Variants in RASGRF2 observed in about 807,000 individuals in gnomAD.
The protein encoded by RASGRF2 is ras-specific guanine nucleotide-releasing factor 2.
RASGRF2 carries 76 observed loss-of-function variants against 151.0 expected under a neutral mutation model. The observed-to-expected ratio is 0.50, with a 90% confidence interval of 0.42 to 0.61. The LOEUF (loss-of-function observed/expected upper bound fraction) is 0.61. Among genes scored for constraint, RASGRF2 ranks in the 20% least tolerant of loss-of-function variants. The pLI, the probability that RASGRF2 is intolerant of heterozygous loss-of-function variation, is 0.00. For synonymous variants in RASGRF2, 504 were observed against 566.5 expected, an observed-to-expected ratio of 0.89 and a Z score of 1.57; for missense variants, 1,148 against 1,564.6, an observed-to-expected ratio of 0.73 and a Z score of 4.49.
At chr5:81,108,834 CTGTGTGTGTGTG>C (rs10606038) in intron 12 of RASGRF2, among the ~76,000 whole-genome samples, 150 bp from the exon 13 acceptor site, 8,827 of 139,880 alleles carry the variant, frequency 0.063, 277 homozygotes, top group South Asian at 0.12. Flanking sequence ...TTTACCTACT[CTGTGTGTGTGTG>C]TGTGTGTGTG....
At chr5:81,180,745 G>C (rs145146251) in intron 18 of RASGRF2, among the ~76,000 whole-genome samples, 1 of 147,766 alleles carries the variant, frequency 6.8e-6, no homozygotes, top group Non-Finnish European at 1.5e-5. Flanking sequence ...GATCTGGTCA[G>C]GGAGTGCTTT....
intron 17 of RASGRF2, among the ~76,000 whole-genome samples, chr5:81,146,096 A>G (rs1753998803): frequency 1.3e-5 from 2 of 152,190 alleles, no homozygotes; most frequent in South Asian, 4.1e-4. Flanking sequence ...TGTAGCTTAA[A>G]TCTGCCTTGT....
chr5:81,141,794 C>G (rs960369867), intron 17 of RASGRF2, among the ~76,000 whole-genome samples: 1 of 152,068 alleles, frequency 6.6e-6, no homozygotes, highest in African/African-American at 2.4e-5. Context: ...TCTTAGTTGA[C>G]CAGCAGTTAG....
At chr5:81,157,863 A>G (rs1454911738) in intron 17 of RASGRF2, among the ~76,000 whole-genome samples, 1 of 152,172 alleles carries the variant, frequency 6.6e-6, no homozygotes, top group Non-Finnish European at 1.5e-5. Flanking sequence ...GGTCCCTCCC[A>G]ATAGGGTTTA....
At chr5:81,038,389 A>G (rs1750571487) in intron 1 of RASGRF2, among the ~76,000 whole-genome samples, 2 of 151,502 alleles carry the variant, frequency 1.3e-5, no homozygotes, top group South Asian at 4.2e-4. Flanking sequence ...ATTTCTGTCC[A>G]TCTAATGGGA....
chr5:81,090,331 C>T (rs1375473343), intron 9 of RASGRF2, among the ~76,000 whole-genome samples: 1 of 152,132 alleles, frequency 6.6e-6, no homozygotes, highest in Non-Finnish European at 1.5e-5. Context: ...TGGAAGTTGA[C>T]CCCAATTATT....
intron 1 of RASGRF2, among the ~76,000 whole-genome samples, chr5:81,027,974 T>C (rs779666770): frequency 1.3e-5 from 2 of 152,080 alleles, no homozygotes; most frequent in Non-Finnish European, 2.9e-5. Flanking sequence ...TAAAGAGATA[T>C]ACCTGTGTGG....
At position 81,075,443 on chromosome 5, in the gene RASGRF2, G is replaced by T. The variant is rs1302525152; in HGVS notation, c.887+1991G>T. Among the ~76,000 whole-genome samples, 5 of 152,176 alleles carry T rather than the reference G, an allele frequency of 3.3e-5. No homozygotes were observed. In the East Asian group the frequency reaches 9.6e-4, roughly 29 times the overall value. Reference sequence around the variant, plus strand: ...TGTGGAAAGGTCATTCCTTGTGCCAGCGGGTTGTGTTTCTCAGAACAATTG... The same window carrying T: ...TGTGGAAAGGTCATTCCTTGTGCCATCGGGTTGTGTTTCTCAGAACAATTG... On this transcript the variant is annotated intron_variant, in intron 5 of 26. Coordinates refer to ENST00000265080, the MANE Select transcript of RASGRF2 (RefSeq NM_006909.3).
At chr5:81,106,107 T>G (rs949679542) in intron 12 of RASGRF2, among the ~76,000 whole-genome samples, 1 of 152,202 alleles carries the variant, frequency 6.6e-6, no homozygotes, top group African/African-American at 2.4e-5. Flanking sequence ...TTGTTTAAAC[T>G]CTGGGTGATT....
rs1367270204 is a variant in RASGRF2, at chr5:81,127,075, A to T, written c.2598A>T (p.Gly866=). The T allele has an allele frequency of 7.4e-6, 12 of 1,613,970 alleles. No homozygotes were observed. Among genetic ancestry groups the T allele is most frequent in the Non-Finnish European group, 1.0e-5 (12 of 1,179,854 alleles). ...PRHLRYRQPG[G]QTADNAHCSV... ...TTTCCTTTCTTTTCAAATAACCAGG[A>T]CAGACGGCGGACAATGCCCACTGCT... The change falls in exon 17 of 27, where the codon GGA becomes GGT. Residue 866 remains glycine, a splice_region_variant and synonymous_variant. Coordinates refer to ENST00000265080, the MANE Select transcript of RASGRF2 (RefSeq NM_006909.3).
At chr5:81,140,341 T>C (rs1753854176) in intron 17 of RASGRF2, among the ~76,000 whole-genome samples, 1 of 152,186 alleles carries the variant, frequency 6.6e-6, no homozygotes. Flanking sequence ...TTCCAAAATA[T>C]ATTAAAAATA....
At chr5:80,978,941 C>T (rs1009365728) in intron 1 of RASGRF2, among the ~76,000 whole-genome samples, 1 of 152,158 alleles carries the variant, frequency 6.6e-6, no homozygotes, top group African/African-American at 2.4e-5. Context: ...GTACAGCATT[C>T]TATCACACAG....
intron 15 of RASGRF2, among the ~76,000 whole-genome samples, chr5:81,119,380 T>C (rs1753244342): frequency 6.6e-6 from 1 of 152,226 alleles, no homozygotes; most frequent in South Asian, 2.1e-4. Context: ...GAGAGTGAAG[T>C]AGGCCAAACT....
At chr5:81,033,639 A>G (rs890453874) in intron 1 of RASGRF2, among the ~76,000 whole-genome samples, 8 of 151,460 alleles carry the variant, frequency 5.3e-5, no homozygotes, top group African/African-American at 1.7e-4. Flanking sequence ...CCTTATACAA[A>G]AATTAATTCA....
At chr5:81,020,103 A>G (rs1477348434) in intron 1 of RASGRF2, among the ~76,000 whole-genome samples, 1 of 152,236 alleles carries the variant, frequency 6.6e-6, no homozygotes, top group East Asian at 1.9e-4. Flanking sequence ...ACAAAGCTAC[A>G]ATTGATGCCA....
intron 12 of RASGRF2, among the ~76,000 whole-genome samples, chr5:81,108,265 A>T (rs1445292405): frequency 6.6e-6 from 1 of 152,234 alleles, no homozygotes; most frequent in Non-Finnish European, 1.5e-5. Flanking sequence ...TCTAACCCAA[A>T]ATAATTACAG....
At chr5:81,192,714 G>A (rs1332482071) in intron 18 of RASGRF2, among the ~76,000 whole-genome samples, 1 of 152,186 alleles carries the variant, frequency 6.6e-6, no homozygotes, top group Admixed American at 6.5e-5. Context: ...GGTTTAGGAG[G>A]TTGTCTCTAG....
Position 81,094,900 on chromosome 5 carries a change from G to A in RASGRF2, c.1663G>A (p.Val555Met), listed in dbSNP as rs1214039043. 6.2e-7 allele frequency: 1 copy of A among 1,603,472 alleles called. No homozygotes were observed. The highest frequency in any genetic ancestry group is 1.7e-5 in the Admixed American group (1 of 59,688). The change falls in exon 12 of 27, where the codon GTG (valine) becomes ATG (methionine). Residue 555 changes from valine (V) to methionine (M), a missense_variant. Val to Met is a conservative substitution (Grantham distance 21, BLOSUM62 1). This residue lies in a region of RASGRF2 where 646 missense variants were observed against 807.4 expected (regional missense o/e 0.80). Transcript: ENST00000265080. ...QVFGHLDFKI[V>M]VEPPDAAAFT... is the part of the protein sequence containing the mutation. ...GTTTGGGCACCTGGATTTTAAAATA[G>A]TGGTGGAGCCTCCTGACGCTGCCGC...
At chr5:81,039,342 A>G (rs545359546) in intron 1 of RASGRF2, among the ~76,000 whole-genome samples, 2 of 152,302 alleles carry the variant, frequency 1.3e-5, no homozygotes, top group African/African-American at 4.8e-5. Context: ...GAAGAGACAT[A>G]ATAAGTAAAC....
Sources: gnomAD v4.1 joint callset for allele counts (sites outside exome capture counted in the v4.1 genomes callset) on GRCh38, gnomAD v4.1.1 for gene constraint, gnomAD v4.1.1 regional missense constraint, MANE v1.5 for transcripts, NCBI Gene and HGNC (gene_info 2026-07-23, HGNC 2026-07-21) for gene names.